NAE1: variants seen among roughly 807,000 people sequenced by gnomAD.
The protein encoded by NAE1 is NEDD8 activating enzyme E1 subunit 1, also known as NEDD8-activating enzyme E1 regulatory subunit.
A neutral mutation model predicts 88.0 loss-of-function variants in NAE1; 59 were observed. That is an observed-to-expected ratio of 0.67 (90% CI 0.54 to 0.83). The LOEUF (loss-of-function observed/expected upper bound fraction) is 0.83. NAE1 is among the 40% of genes least tolerant of loss of function. NAE1 has a pLI of 0.00. For missense variants in NAE1, 554 were observed against 632.8 expected (o/e 0.88, Z 1.34); for synonymous variants, 186 against 208.9 (o/e 0.89, Z 0.95).
intron 13 of NAE1, among the ~76,000 whole-genome samples, chr16:66,812,090 A>G (rs561959180): frequency 4.5e-4 from 68 of 152,328 alleles, no homozygotes; most frequent in Non-Finnish European, 9.6e-4. Context: ...GTCATAGACT[A>G]TAACTTATGA....
intron 17 of NAE1, among the ~76,000 whole-genome samples, chr16:66,807,470 T>A (rs1165276452): frequency 1.3e-5 from 2 of 151,990 alleles, no homozygotes. Flanking sequence ...AGAAACCCTG[T>A]TTCTACTAAA....
chr16:66,810,411 T>C lies in NAE1; in HGVS notation c.1113A>G (p.Ala371=), dbSNP rs756529274. The C allele has an allele frequency of 1.2e-6, 2 of 1,601,702 alleles. No individual in the cohort carries two copies. The highest frequency in any genetic ancestry group is 1.7e-6 in the Non-Finnish European group (2 of 1,170,668). ...ATTCTTTCTCTGAAATGGACTCTGG[T>C]GCCTGTAAAGAGATAAATACAGATT... ...VAKLLQSIGQ[A]PESISEKELK... is the part of the protein sequence containing the mutation. Residue 371 remains alanine, a splice_region_variant and synonymous_variant, in exon 15 of 20, where the codon GCA becomes GCG. Coordinates refer to ENST00000290810, the MANE Select transcript of NAE1 (RefSeq NM_003905.4).
At position 66,817,506 on chromosome 16, in the gene NAE1, TAAAAG is replaced by T. The variant is rs781089488; in HGVS notation, c.622-24_622-20del. ...TGTGGTCCTAAAAATGAGAGACAAA[TAAAAG>T]AAAATATCAGTATTATGAATTCTTC... On this transcript the variant is annotated intron_variant, in intron 8 of 19. Coordinates refer to ENST00000290810, the MANE Select transcript of NAE1 (RefSeq NM_003905.4). The T allele has an allele frequency of 1.1e-5, 16 of 1,489,016 alleles. No individual in the cohort carries two copies. Among genetic ancestry groups the T allele is most frequent in the African/African-American group, 7.1e-5 (5 of 69,940 alleles). The allele number at this position is 1,489,016 out of a possible 1,614,324, so 92.2% of individuals were successfully genotyped here.
chr16:66,805,496 AGGCTTAC>A (rs1485159983), intron 19 of NAE1: 2 of 336,064 alleles, frequency 6.0e-6, no homozygotes, highest in Non-Finnish European at 1.1e-5. Flanking sequence ...AAAATTAGCC[AGGCTTAC>A]TGGCACATGC....
intron 7 of NAE1, among the ~76,000 whole-genome samples, chr16:66,820,766 T>C (rs903419963): frequency 3.9e-5 from 6 of 152,000 alleles, no homozygotes; most frequent in Non-Finnish European, 7.4e-5. Flanking sequence ...CCGGGCACGG[T>C]GGCGGGCGCC....
intron 3 of NAE1, among the ~76,000 whole-genome samples, chr16:66,825,243 C>T (rs1289772374): frequency 2.6e-5 from 4 of 151,958 alleles, no homozygotes; most frequent in African/African-American, 4.8e-5. Context: ...GTCAGGAGAT[C>T]GAGACCATCC....
chr16:66,810,623 C>T (rs1315952887), intron 14 of NAE1, 74 bp downstream of exon 14: 2 of 1,368,634 alleles, frequency 1.5e-6, no homozygotes, highest in Non-Finnish European at 2.1e-6. Context: ...GTGCCACACC[C>T]TCTGTCTCTA....
rs751706155 is a variant in NAE1 at position 66,813,673 on chromosome 16, G to A, written c.925C>T (p.Arg309Cys). 9 of 1,613,684 alleles carry A rather than the reference G, an allele frequency of 5.6e-6. No individual in the cohort carries two copies. The highest frequency in any genetic ancestry group is 1.7e-5 in the Admixed American group (1 of 59,994). ...TTGGCCACAAATTCCTTTAAGGCACGAGCTAAAATCCAAAATGATGGAGTC... is the reference window on the plus strand; with the variant it reads ...TTGGCCACAAATTCCTTTAAGGCACAAGCTAAAATCCAAAATGATGGAGTC... ...KQTPSFWILA[R>C]ALKEFVAKEG... is the part of the protein sequence containing the mutation. The change falls in exon 13 of 20, where the codon CGT becomes TGT. Residue 309 changes from arginine to cysteine, a missense_variant. Coordinates refer to ENST00000290810, the MANE Select transcript of NAE1 (RefSeq NM_003905.4).
chr16:66,810,221 G>C (rs76377698), intron 15 of NAE1, among the ~76,000 whole-genome samples, 153 bp downstream of exon 15: 2,074 of 150,952 alleles, frequency 0.014, 23 homozygotes, highest in Non-Finnish European at 0.024. Flanking sequence ...TGTATTATGA[G>C]AGGAAAAAAA....
At chr16:66,815,088 C>T (rs775637314) in intron 11 of NAE1, among the ~76,000 whole-genome samples, 2 of 152,162 alleles carry the variant, frequency 1.3e-5, no homozygotes, top group African/African-American at 2.4e-5. Context: ...CTCTCAACCC[C>T]GGATTCCCTT....
intron 9 of NAE1, 34 bp from the exon 10 acceptor site, chr16:66,817,062 T>A: frequency 3.2e-6 from 5 of 1,571,352 alleles, no homozygotes; most frequent in Non-Finnish European, 4.3e-6. Context: ...AATCTAGTTA[T>A]TAAAATTCAA....
At chr16:66,822,371 G>A (rs948070620) in intron 6 of NAE1, among the ~76,000 whole-genome samples, 1 of 152,142 alleles carries the variant, frequency 6.6e-6, no homozygotes, top group Non-Finnish European at 1.5e-5. Flanking sequence ...AGGAGTTTGA[G>A]ATCAGCCTGG....
chr16:66,820,429 T>A (rs775754780), intron 7 of NAE1, among the ~76,000 whole-genome samples: 1 of 152,162 alleles, frequency 6.6e-6, no homozygotes, highest in Admixed American at 6.5e-5. Context: ...TGCACCTGAA[T>A]TGAGAGAACC....
intron 19 of NAE1, among the ~76,000 whole-genome samples, chr16:66,803,941 G>C (rs1339602376): frequency 6.6e-6 from 1 of 152,086 alleles, no homozygotes; most frequent in Admixed American, 6.6e-5. Context: ...GTTCTAGGCA[G>C]TAGGGATACA....
chr16:66,811,608 A>G (rs1959803553), intron 13 of NAE1, among the ~76,000 whole-genome samples: 1 of 152,130 alleles, frequency 6.6e-6, no homozygotes, highest in African/African-American at 2.4e-5. Context: ...TCAACCATTT[A>G]AAACAACTGT....
intron 8 of NAE1, 35 bp from the exon 9 acceptor site, chr16:66,817,522 T>C (rs552528026): frequency 7.2e-7 from 1 of 1,396,426 alleles, no homozygotes; most frequent in South Asian, 1.3e-5. Flanking sequence ...AAAATATCAG[T>C]ATTATGAATT....
intron 6 of NAE1, among the ~76,000 whole-genome samples, chr16:66,821,939 G>A (rs553450332): frequency 6.6e-6 from 1 of 152,110 alleles, no homozygotes; most frequent in Non-Finnish European, 1.5e-5. Context: ...GCATGATCAT[G>A]GCTCACTGCA....
At chr16:66,805,684 C>T in intron 19 of NAE1, 93 bp downstream of exon 19, 1 of 1,029,830 alleles carries the variant, frequency 9.7e-7, no homozygotes, top group Non-Finnish European at 1.3e-6. Context: ...TCACTGACCT[C>T]CCTAATTAAA....
chr16:66,810,573 G>A, intron 14 of NAE1, 124 bp downstream of exon 14: 1 of 1,078,104 alleles, frequency 9.3e-7, no homozygotes, highest in Non-Finnish European at 1.4e-6. Context: ...ATCCCATTAG[G>A]CAGGGAAATG....
Sources: allele counts gnomAD v4.1 joint callset (sites outside exome capture counted in the v4.1 genomes callset), GRCh38; gene constraint gnomAD v4.1.1; transcripts MANE v1.5; gene names NCBI Gene and HGNC (gene_info 2026-07-23, HGNC 2026-07-21).